The following GK variants were observed in gnomAD, a reference collection of about 807,000 sequenced individuals.
GK encodes ATP:glycerol 3-phosphotransferase.
In GK, 9 loss-of-function variants were observed where a neutral mutation model predicts 56.4. The ratio of observed to expected loss-of-function variants is 0.16; its 90% CI spans 0.10 to 0.28. GK has a LOEUF of 0.28. Among genes scored for constraint, GK ranks in the 10% least tolerant of loss-of-function variants. GK has a pLI of 1.00. For missense variants in GK, 161 were observed against 431.4 expected, an observed-to-expected ratio of 0.37 and a Z score of 5.55; for synonymous variants, 104 against 144.1, an observed-to-expected ratio of 0.72 and a Z score of 1.99.
chrX:30,707,404 A>C (rs1936075314), intron 11 of GK, 152 bp from the exon 12 acceptor site: 2 of 413,982 alleles, frequency 4.8e-6, no homozygotes, highest in African/African-American at 5.1e-5. Context: ...CCAGGAAGAT[A>C]TATGATTTTT....
At chrX:30,670,179 A>C (rs1482188730) in intron 3 of GK, among the ~76,000 whole-genome samples, 2 of 111,921 alleles carry the variant, frequency 1.8e-5, no homozygotes, top group African/African-American at 6.5e-5. Context: ...ATAGGCAATC[A>C]GTAGCACACT....
chrX:30,719,327 G>A, intron 14 of GK, 92 bp from the exon 15 acceptor site: 2 of 580,369 alleles, frequency 3.4e-6, no homozygotes, highest in Non-Finnish European at 5.8e-6. Context: ...CAAAACCCCT[G>A]TCCTAATTTT....
chrX:30,711,941 C>T (rs778354181), intron 13 of GK, among the ~76,000 whole-genome samples: 32 of 111,938 alleles, frequency 2.9e-4, no homozygotes, highest in African/African-American at 1.0e-3. Flanking sequence ...GTAGTTCTAA[C>T]ACTTAAATGT....
At chrX:30,716,538 T>C (rs2147255689) in intron 13 of GK, among the ~76,000 whole-genome samples, 1 of 112,217 alleles carries the variant, frequency 8.9e-6, no homozygotes, top group East Asian at 2.8e-4. Flanking sequence ...TTTACCTTCC[T>C]TTTACCTTTT....
At chrX:30,703,097 T>C (rs758089038) in intron 11 of GK, among the ~76,000 whole-genome samples, 1 of 112,086 alleles carries the variant, frequency 8.9e-6, no homozygotes, top group African/African-American at 3.2e-5. Flanking sequence ...AAGATTATCT[T>C]AGTAATGAGA....
At chrX:30,726,321 C>G (rs1455537241) in intron 19 of GK, among the ~76,000 whole-genome samples, 1 of 97,822 alleles carries the variant, frequency 1.0e-5, no homozygotes. Context: ...GAGTTTCGCT[C>G]TTGTTGCCCA....
chrX:30,679,888 A>G (rs1276307542), intron 4 of GK, among the ~76,000 whole-genome samples: 1 of 111,871 alleles, frequency 8.9e-6, no homozygotes, highest in East Asian at 2.8e-4. Context: ...AGATTAGGGA[A>G]CAATCCATAA....
intron 13 of GK, 88 bp downstream of exon 13, chrX:30,708,222 TC>T: frequency 1.5e-5 from 8 of 535,700 alleles, no homozygotes; most frequent in Non-Finnish European, 2.2e-5. Flanking sequence ...TTCTGGTAAA[TC>T]TTAATACAGA....
chrX:30,718,438 GA>G, intron 13 of GK, 99 bp from the exon 14 acceptor site: 1 of 560,223 alleles, frequency 1.8e-6, no homozygotes, highest in Non-Finnish European at 3.1e-6. Flanking sequence ...AATGGAAACT[GA>G]ATTCTGTCCA....
At chrX:30,657,796 T>A (rs1283245468) in intron 1 of GK, among the ~76,000 whole-genome samples, 1 of 111,661 alleles carries the variant, frequency 9.0e-6, no homozygotes, top group Non-Finnish European at 1.9e-5. Flanking sequence ...CTGTGTAGAG[T>A]ACTGTGAAGG....
rs149867670 is a variant in GK, at chrX:30,680,399, C to T, written c.337+2947C>T. On this transcript the variant is annotated intron_variant, in intron 4 of 20. Transcript: ENST00000427190. ...CAGTTTAAACATGAACACTCTCCAA[C>T]CTTAAAGCTTGTGTTCTAATTTGGG... is the stretch of plus-strand genomic sequence containing the variant. 1.2e-3 allele frequency among the ~76,000 whole-genome samples: 132 copies of T among 111,988 alleles called. 2 individuals carry two copies. The highest frequency in any genetic ancestry group is 4.0e-3 in the African/African-American group (124 of 30,862).
At chrX:30,706,476 C>T (rs1025769798) in intron 11 of GK, among the ~76,000 whole-genome samples, 2 of 111,524 alleles carry the variant, frequency 1.8e-5, no homozygotes, top group Non-Finnish European at 3.8e-5. Context: ...GCAAGGCCCA[C>T]GGGGAAGGAA....
rs188783596 is a variant in GK, at chrX:30,696,744, A to C, written c.729+61A>C. The C allele has an allele frequency of 6.0e-4, 522 of 867,657 alleles. 3 individuals are homozygous for C. In the African/African-American group the frequency reaches 7.3e-3, roughly 12 times the overall value. 71.5% of individuals were successfully genotyped at this position (867,657 alleles called of 1,213,427 possible). ...AAAACCAAAAAACAAACAAAAAAAAACCTAATAATTAAAGTTTTTTTATTA... is the reference window on the plus strand; with the variant it reads ...AAAACCAAAAAACAAACAAAAAAAACCCTAATAATTAAAGTTTTTTTATTA... On this transcript the variant is annotated intron_variant, in intron 8 of 20. Transcript: ENST00000427190.
rs1363665183 is a variant in GK at position 30,668,244 on chromosome X, A to G, written c.259+126A>G. On this transcript the variant is annotated intron_variant, in intron 3 of 20. Transcript: ENST00000427190. ...CATTTCTATGAGAACTTGAGGATAC[A>G]ACACTAAAGAGGAAGATTTAAGTTC... The G allele has an allele frequency of 5.0e-5, 24 of 480,042 alleles. No homozygotes were observed. In the South Asian group the frequency reaches 8.1e-4, roughly 16 times the overall value. The allele number at this position is 480,042 out of a possible 1,213,427, so 39.6% of individuals were successfully genotyped here. A position where few individuals can be genotyped will look rare whatever the true frequency, so the allele number is the denominator to read the frequency against.
chrX:30,674,986 G>A (rs960363209), intron 3 of GK, among the ~76,000 whole-genome samples: 4 of 111,424 alleles, frequency 3.6e-5, no homozygotes, highest in South Asian at 3.7e-4. Context: ...GTTCCTAGGC[G>A]TGGTGATAAA....
Position 30,668,154 on chromosome X carries a change from C to A in GK, c.259+36C>A, listed in dbSNP as rs773950605. ...AGAATATTTTACCCACATAATAAGA[C>A]TCTCTCAATCAAATTCATTAATTTA... On this transcript the variant is annotated intron_variant, in intron 3 of 20. Coordinates refer to ENST00000427190, the MANE Select transcript of GK (RefSeq NM_001205019.2). 3 of 715,033 alleles carry A rather than the reference C, an allele frequency of 4.2e-6. No homozygotes were observed. The South Asian group carries it at 6.4e-5, about 15-fold the overall frequency. The allele number at this position is 715,033 out of a possible 1,213,427, so 58.9% of individuals were successfully genotyped here. A position where few individuals can be genotyped will look rare whatever the true frequency, so the allele number is the denominator to read the frequency against.
At chrX:30,711,127 C>T (rs770828474) in intron 13 of GK, among the ~76,000 whole-genome samples, 2 of 97,258 alleles carry the variant, frequency 2.1e-5, no homozygotes, top group Non-Finnish European at 4.1e-5. Context: ...TTTTCTTCTT[C>T]TTTTTTTTTT....
intron 4 of GK, among the ~76,000 whole-genome samples, chrX:30,680,449 G>A (rs1429325573): frequency 8.9e-6 from 1 of 112,029 alleles, no homozygotes; most frequent in Admixed American, 9.5e-5. Context: ...TGAGGATATA[G>A]AGGGGGCTGA....
chrX:30,655,265 A>T (rs1287379960), intron 1 of GK, among the ~76,000 whole-genome samples: 1 of 112,399 alleles, frequency 8.9e-6, no homozygotes, highest in Non-Finnish European at 1.9e-5. Flanking sequence ...TTTGATTAAT[A>T]CATAATATAC....
Sources: allele counts gnomAD v4.1 joint callset (sites outside exome capture counted in the v4.1 genomes callset), GRCh38; gene constraint gnomAD v4.1.1; transcripts MANE v1.5; gene names NCBI Gene and HGNC (gene_info 2026-07-23, HGNC 2026-07-21).